DHRS7C: variants seen among roughly 807,000 people sequenced by gnomAD.
The protein encoded by DHRS7C is dehydrogenase/reductase 7C, also known as dehydrogenase/reductase SDR family member 7C.
Under a neutral mutation model 29.6 loss-of-function variants are expected in DHRS7C, and 28 were observed. That is an observed-to-expected ratio of 0.95 (90% CI 0.70 to 1.30). The LOEUF is 1.30. Ranked by LOEUF, DHRS7C falls within the 50% of genes most tolerant of loss-of-function variation. The pLI is 0.00. For missense variants in DHRS7C, 403 were observed against 393.3 expected (o/e 1.02, Z -0.21); for synonymous variants, 158 against 160.2 (o/e 0.99, Z 0.10).
Position 9,781,627 on chromosome 17 carries a change from C to T in DHRS7C, c.155-33G>A, listed in dbSNP as rs562379601. 8 of 1,604,692 alleles carry T rather than the reference C, an allele frequency of 5.0e-6. No homozygotes were observed. In the South Asian group the frequency reaches 8.8e-5, roughly 18 times the overall value. Reference sequence around the variant, plus strand: ...GAAGAAGGAAACAGGGCAGGGCACACTGTGTGGATGGAGCCACTGACAGTG... The same window carrying T: ...GAAGAAGGAAACAGGGCAGGGCACATTGTGTGGATGGAGCCACTGACAGTG... On this transcript the variant is annotated intron_variant, in intron 1 of 5. Coordinates refer to ENST00000571134, the MANE Select transcript of DHRS7C (RefSeq NM_001105571.3).
intron 1 of DHRS7C, among the ~76,000 whole-genome samples, chr17:9,782,308 G>A (rs1294542350): frequency 6.6e-6 from 1 of 152,122 alleles, no homozygotes; most frequent in Non-Finnish European, 1.5e-5. Flanking sequence ...CTTTAGGTTG[G>A]GTTCCTAGGA....
intron 4 of DHRS7C, among the ~76,000 whole-genome samples, chr17:9,773,547 G>A (rs1236247232): frequency 6.6e-6 from 1 of 152,038 alleles, no homozygotes; most frequent in African/African-American, 2.4e-5. Flanking sequence ...AGCCACATCT[G>A]GGGTGTGATG....
At position 9,774,812 on chromosome 17, in the gene DHRS7C, G is replaced by A. The variant is rs61128091; in HGVS notation, c.572-1890C>T. Among the ~76,000 whole-genome samples the A allele has an allele frequency of 9.6e-3, 1,466 of 152,236 alleles. 25 individuals are homozygous for A. The highest frequency in any genetic ancestry group is 0.034 in the African/African-American group (1,393 of 41,530). On this transcript the variant is annotated intron_variant, in intron 4 of 5. Coordinates refer to ENST00000571134, the MANE Select transcript of DHRS7C (RefSeq NM_001105571.3). The surrounding 1 kb of genome is among the most constrained non-coding windows in gnomAD (Gnocchi z 5.0). ...TCGGCAGACCCCAGGTCACTCCCAC[G>A]CCAGCTCCTTGTGTCTTTCCAAAGC...
chr17:9,784,706 A>G (rs1361402116), intron 1 of DHRS7C, among the ~76,000 whole-genome samples: 17 of 152,250 alleles, frequency 1.1e-4, no homozygotes, highest in Non-Finnish European at 2.9e-5. Flanking sequence ...AGAAGTATCA[A>G]GATACAGAAG....
chr17:9,784,109 G>A, intron 1 of DHRS7C, among the ~76,000 whole-genome samples: 1 of 151,762 alleles, frequency 6.6e-6, no homozygotes, highest in East Asian at 1.9e-4. Flanking sequence ...GCATTGGGGA[G>A]GACTCCTGAG....
chr17:9,771,955 G>T (rs2066331890), intron 5 of DHRS7C, among the ~76,000 whole-genome samples: 1 of 152,236 alleles, frequency 6.6e-6, no homozygotes, highest in Non-Finnish European at 1.5e-5. Flanking sequence ...TACGTGTGGG[G>T]GAAGGGATGC....
Position 9,771,457 on chromosome 17 carries a change from T to C in DHRS7C, c.*31A>G. ...AGCACCTGCCAGAAAAACCTTTATTTCCAAGGGGTGGCCCATTTGGCCTCC... is the reference window on the plus strand; with the variant it reads ...AGCACCTGCCAGAAAAACCTTTATTCCCAAGGGGTGGCCCATTTGGCCTCC... On this transcript the variant is annotated 3_prime_UTR_variant, in exon 6 of 6. Transcript: ENST00000571134. 6.9e-7 allele frequency: 1 copy of C among 1,449,096 alleles called. No homozygotes were observed. The highest frequency in any genetic ancestry group is 9.1e-7 in the Non-Finnish European group (1 of 1,094,404). 89.8% of individuals were successfully genotyped at this position (1,449,096 alleles called of 1,614,324 possible).
intron 4 of DHRS7C, among the ~76,000 whole-genome samples, chr17:9,773,557 G>A (rs1462073182): frequency 6.6e-6 from 1 of 152,000 alleles, no homozygotes; most frequent in African/African-American, 2.4e-5. Flanking sequence ...GGGGTGTGAT[G>A]CACCCCAACT....
chr17:9,779,175 G>T, intron 3 of DHRS7C, among the ~76,000 whole-genome samples: 1 of 152,050 alleles, frequency 6.6e-6, no homozygotes, highest in East Asian at 1.9e-4. Flanking sequence ...CTACTCTATG[G>T]TCATTTCCAG....
chr17:9,779,878 AGCTCCAGAGAAATCTTATGG>A lies in DHRS7C; in HGVS notation c.405_424del (p.His136ArgfsTer36). On this transcript the variant is annotated frameshift_variant, in exon 3 of 6. Transcript: ENST00000571134. LOFTEE classifies it high-confidence loss of function. Reference sequence around the variant, plus strand: ...ATTGGCATCCATGATCTTTTTGTCGAGCTCCAGAGAAATCTTATGGGCAGGCCCCTTCACCTTCACACTGG... The same window carrying A: ...ATTGGCATCCATGATCTTTTTGTCGAGCAGGCCCCTTCACCTTCACACTGG... 6.2e-7 allele frequency: 1 copy of A among 1,613,806 alleles called. No homozygotes were observed. Among genetic ancestry groups the A allele is most frequent in the African/African-American group, 1.3e-5 (1 of 75,030 alleles).
chr17:9,780,596 C>T (rs1410672808), intron 2 of DHRS7C, among the ~76,000 whole-genome samples: 1 of 152,134 alleles, frequency 6.6e-6, no homozygotes, highest in Non-Finnish European at 1.5e-5. Flanking sequence ...GGAGGGTGGA[C>T]AGATGGGAAA....
intron 1 of DHRS7C, among the ~76,000 whole-genome samples, chr17:9,781,826 C>G (rs916407498): frequency 6.6e-6 from 1 of 152,172 alleles, no homozygotes; most frequent in African/African-American, 2.4e-5. Flanking sequence ...GACAACTCCT[C>G]CTTTGTTAGA....
At chr17:9,771,886 C>G (rs1192129173) in intron 5 of DHRS7C, among the ~76,000 whole-genome samples, 190 bp from the exon 6 acceptor site, 1 of 152,248 alleles carries the variant, frequency 6.6e-6, no homozygotes, top group Non-Finnish European at 1.5e-5. Flanking sequence ...GCGCTTCCTT[C>G]TGCGTCTTCG....
chr17:9,789,398 A>C (rs960588758), intron 1 of DHRS7C, among the ~76,000 whole-genome samples: 1 of 152,192 alleles, frequency 6.6e-6, no homozygotes, highest in Admixed American at 6.5e-5. Flanking sequence ...CCCTGATCAC[A>C]TGTCACTTTT....
In DHRS7C at chr17:9,779,810, T is replaced by A. The variant is rs780644313; in HGVS notation, c.478+15A>T. ...GGTGGCCCAGATACCCATGGGAAAG[T>A]CAAACTCACGAGACCTTTCGTCAAT... On this transcript the variant is annotated intron_variant, in intron 3 of 5. Coordinates refer to ENST00000571134, the MANE Select transcript of DHRS7C (RefSeq NM_001105571.3). 3 of 1,605,198 alleles carry A rather than the reference T, an allele frequency of 1.9e-6. No homozygotes were observed. Among genetic ancestry groups the A allele is most frequent in the Middle Eastern group, 1.7e-4 (1 of 6,040 alleles).
At chr17:9,788,654 T>C (rs1234114157) in intron 1 of DHRS7C, among the ~76,000 whole-genome samples, 1 of 152,152 alleles carries the variant, frequency 6.6e-6, no homozygotes, top group African/African-American at 2.4e-5. Flanking sequence ...GGTGTGGCAA[T>C]CCCTGCTGCT....
At chr17:9,791,004 G>C in intron 1 of DHRS7C, 127 bp downstream of exon 1, 1 of 1,166,826 alleles carries the variant, frequency 8.6e-7, no homozygotes, top group Non-Finnish European at 1.2e-6. Context: ...AGCTGGGAGA[G>C]AACACAGGAT....
At chr17:9,790,851 C>A (rs1359255726) in intron 1 of DHRS7C, among the ~76,000 whole-genome samples, 1 of 152,198 alleles carries the variant, frequency 6.6e-6, no homozygotes, top group Non-Finnish European at 1.5e-5. Context: ...TTTCTGGAAA[C>A]CCCATGAAGC....
At chr17:9,782,058 G>C (rs1043307590) in intron 1 of DHRS7C, among the ~76,000 whole-genome samples, 1 of 152,118 alleles carries the variant, frequency 6.6e-6, no homozygotes, top group Non-Finnish European at 1.5e-5. Context: ...CCTACTTTCT[G>C]TCTAATTAAT....
Sources: allele counts gnomAD v4.1 joint callset (sites outside exome capture counted in the v4.1 genomes callset), GRCh38; gene constraint gnomAD v4.1.1; non-coding constraint Gnocchi (gnomAD v3.1); transcripts MANE v1.5; gene names NCBI Gene and HGNC (gene_info 2026-07-23, HGNC 2026-07-21).